NRXN3: variants seen among roughly 807,000 people sequenced by gnomAD.
The protein encoded by NRXN3 is neurexin III.
Under a neutral mutation model 137.6 loss-of-function variants are expected in NRXN3, and 32 were observed. That is an observed-to-expected ratio of 0.23 (90% CI 0.18 to 0.31). The LOEUF (loss-of-function observed/expected upper bound fraction) is 0.31, where lower values mean the gene tolerates loss of function less well. Among genes scored for constraint, NRXN3 ranks in the 10% least tolerant of loss-of-function variants. NRXN3 has a pLI of 1.00. For synonymous variants in NRXN3, 798 were observed against 784.5 expected (o/e 1.02, Z -0.29); for missense variants, 1,574 against 2,062.5 (o/e 0.76, Z 4.59).
Position 78,242,827 on chromosome 14 carries a change from C to G in NRXN3, c.-267C>G. ...TTTACTCCAGTCCCTCACTTCCCCA[C>G]CTGATTTTCCTCCTCTTCTGCTGGT... is the stretch of plus-strand genomic sequence containing the variant. On this transcript the variant is annotated 5_prime_UTR_variant, in exon 2 of 21. Coordinates refer to ENST00000335750, the MANE Select transcript of NRXN3 (RefSeq NM_001330195.2). 4 of 456,584 alleles carry G rather than the reference C, an allele frequency of 8.8e-6. No individual in the cohort carries two copies. The highest frequency in any genetic ancestry group is 1.2e-5 in the Non-Finnish European group (3 of 260,854). 28.3% of individuals were successfully genotyped at this position (456,584 alleles called of 1,614,324 possible). A position where few individuals can be genotyped will look rare whatever the true frequency, so the allele number is the denominator to read the frequency against.
chr14:78,624,230 G>T (rs1237254687), intron 4 of NRXN3, among the ~76,000 whole-genome samples: 2 of 152,164 alleles, frequency 1.3e-5, no homozygotes, highest in Non-Finnish European at 2.9e-5. Flanking sequence ...GTAATTTGAG[G>T]GACTTCATGG....
intron 4 of NRXN3, among the ~76,000 whole-genome samples, chr14:78,517,155 CT>C: frequency 6.6e-6 from 1 of 152,120 alleles, no homozygotes; most frequent in South Asian, 2.1e-4. Context: ...TTTAGGTTTT[CT>C]TTCTCATGGG....
intron 15 of NRXN3, among the ~76,000 whole-genome samples, chr14:79,012,858 A>T (rs944839923): frequency 6.6e-6 from 1 of 152,118 alleles, no homozygotes; most frequent in Non-Finnish European, 1.5e-5. Context: ...ATTTCCCCCC[A>T]TCAAACCGTG....
intron 4 of NRXN3, among the ~76,000 whole-genome samples, chr14:78,459,628 A>C (rs982161687): frequency 6.6e-6 from 1 of 152,080 alleles, no homozygotes; most frequent in Admixed American, 6.5e-5. Flanking sequence ...GTGTCCCCTC[A>C]ATTTTTTATT....
chr14:79,293,705 G>C (rs1005305598), intron 15 of NRXN3, among the ~76,000 whole-genome samples: 1 of 152,184 alleles, frequency 6.6e-6, no homozygotes, highest in African/African-American at 2.4e-5. Flanking sequence ...CCAAACACTC[G>C]CACTGTTTCC....
chr14:78,365,385 C>T (rs1418278646), intron 4 of NRXN3, among the ~76,000 whole-genome samples: 1 of 152,152 alleles, frequency 6.6e-6, no homozygotes, highest in African/African-American at 2.4e-5. Context: ...CAGAGTAAGG[C>T]TTTACTCCAT....
intron 15 of NRXN3, 118 bp from the exon 16 acceptor site, chr14:79,467,103 T>C (rs542918846): frequency 2.1e-6 from 2 of 971,670 alleles, no homozygotes; most frequent in Admixed American, 3.1e-5. Flanking sequence ...AACCAAATAC[T>C]GTCCCATGGG....
intron 10 of NRXN3, among the ~76,000 whole-genome samples, chr14:78,885,484 AC>A (rs1397251675): frequency 6.6e-6 from 1 of 152,090 alleles, no homozygotes; most frequent in Admixed American, 6.6e-5. Flanking sequence ...CATAATAATT[AC>A]TTTATTCTCC....
At chr14:78,968,579 C>T (rs892218226) in intron 14 of NRXN3, among the ~76,000 whole-genome samples, 8 of 152,180 alleles carry the variant, frequency 5.3e-5, no homozygotes, top group Admixed American at 3.3e-4. Flanking sequence ...CACATACTTG[C>T]CAATAAAAAT....
chr14:79,729,330 A>G (rs558550529), intron 19 of NRXN3, among the ~76,000 whole-genome samples: 2 of 152,104 alleles, frequency 1.3e-5, no homozygotes, highest in African/African-American at 2.4e-5. Context: ...AGTTTTTCCT[A>G]TTTTCCAATC....
At chr14:78,338,956 T>C (rs2081835065) in intron 4 of NRXN3, among the ~76,000 whole-genome samples, 2 of 152,194 alleles carry the variant, frequency 1.3e-5, no homozygotes, top group African/African-American at 2.4e-5. Context: ...GGATCTAGGC[T>C]CCTGACTTTG....
intron 15 of NRXN3, among the ~76,000 whole-genome samples, chr14:79,220,945 T>A (rs1286525702): frequency 2.0e-5 from 3 of 150,196 alleles, no homozygotes; most frequent in South Asian, 2.2e-4. Context: ...GATGTTCCCC[T>A]CCCTGTGTCC....
At chr14:79,464,069 G>A (rs1861881466) in intron 15 of NRXN3, among the ~76,000 whole-genome samples, 1 of 152,084 alleles carries the variant, frequency 6.6e-6, no homozygotes, top group African/African-American at 2.4e-5. Flanking sequence ...AGCATGAAAT[G>A]TAAAGAGAAA....
At chr14:78,264,367 A>G (rs1415611989) in intron 2 of NRXN3, among the ~76,000 whole-genome samples, 1 of 152,146 alleles carries the variant, frequency 6.6e-6, no homozygotes, top group African/African-American at 2.4e-5. Flanking sequence ...TGACTTCTCC[A>G]TGCTTCCTAG....
intron 16 of NRXN3, among the ~76,000 whole-genome samples, chr14:79,608,016 T>A (rs1277943550): frequency 2.0e-5 from 3 of 152,300 alleles, no homozygotes; most frequent in Non-Finnish European, 4.4e-5. Flanking sequence ...TATGATCCCA[T>A]AAAAATTATT....
chr14:79,409,643 A>ATATC (rs1191764607), intron 15 of NRXN3, among the ~76,000 whole-genome samples: 9 of 141,264 alleles, frequency 6.4e-5, no homozygotes, highest in Non-Finnish European at 1.1e-4. Flanking sequence ...ATATATATAT[A>ATATC]TCCTCAAAAT....
chr14:79,698,295 T>A (rs868658370), intron 19 of NRXN3, among the ~76,000 whole-genome samples: 1 of 152,030 alleles, frequency 6.6e-6, no homozygotes, highest in East Asian at 1.9e-4. Flanking sequence ...TGTTATCATA[T>A]GAAAAGCTAT....
intron 16 of NRXN3, among the ~76,000 whole-genome samples, chr14:79,569,630 T>TGTGTGTGTGTGA (rs775452045): frequency 3.7e-5 from 5 of 135,778 alleles, no homozygotes; most frequent in Non-Finnish European, 6.4e-5. Flanking sequence ...TGTGTGTGTG[T>TGTGTGTGTGTGA]GAGAGAGAGA....
chr14:79,295,737 G>T (rs977868639), intron 15 of NRXN3, among the ~76,000 whole-genome samples: 1 of 152,146 alleles, frequency 6.6e-6, no homozygotes, highest in Non-Finnish European at 1.5e-5. Context: ...ATCAGTTTTA[G>T]TTTGTACTTT....
Sources: gnomAD v4.1 joint callset for allele counts (sites outside exome capture counted in the v4.1 genomes callset) on GRCh38, gnomAD v4.1.1 for gene constraint, MANE v1.5 for transcripts, NCBI Gene and HGNC (gene_info 2026-07-23, HGNC 2026-07-21) for gene names.